The following UGT1A4 variants were observed in gnomAD, a reference collection of about 807,000 sequenced individuals.
UGT1A4 encodes the protein UDP-glucuronosyltransferase 1A4.
UGT1A4 carries 32 observed loss-of-function variants against 41.1 expected under a neutral mutation model. The observed-to-expected ratio is 0.78, with a 90% CI of 0.59 to 1.05. The LOEUF (loss-of-function observed/expected upper bound fraction) is 1.05. Ranked by LOEUF, UGT1A4 falls within the 50% of genes least tolerant of loss-of-function variation. The pLI is 0.00. For missense variants in UGT1A4, 748 were observed against 677.4 expected (o/e 1.10, Z -1.16); for synonymous variants, 283 against 265.1 (o/e 1.07, Z -0.66).
intron 1 of UGT1A4, among the ~76,000 whole-genome samples, chr2:233,724,475 T>C (rs568755731): frequency 9.3e-4 from 64 of 68,704 alleles, no homozygotes; most frequent in Middle Eastern, 7.8e-3. Flanking sequence ...GGCTCCTCAC[T>C]TCTCAGACGG....
rs561148269 is a variant in UGT1A4 at position 233,758,341 on chromosome 2, T to A, written c.868-8693T>A. The stretch of plus-strand genomic sequence containing the variant: ...GCAGCCTCAAAAAGCTTGGAAGCTC[T>A]GCATGATGCAGGAAAGTCATAAAAT... On this transcript the variant is annotated intron_variant, in intron 1 of 4. Coordinates refer to ENST00000373409, the MANE Select transcript of UGT1A4 (RefSeq NM_007120.3). Among the ~76,000 whole-genome samples the A allele has an allele frequency of 3.3e-5, 5 of 152,358 alleles. No homozygotes were observed. In the South Asian group the frequency reaches 8.3e-4, roughly 25 times the overall value.
intron 1 of UGT1A4, among the ~76,000 whole-genome samples, chr2:233,744,685 T>C (rs1692890031): frequency 6.6e-6 from 1 of 151,898 alleles, no homozygotes; most frequent in Non-Finnish European, 1.5e-5. Flanking sequence ...CCCATGTAGC[T>C]TCTGGAAAAC....
intron 1 of UGT1A4, among the ~76,000 whole-genome samples, chr2:233,721,360 G>T (rs1478965669): frequency 6.6e-6 from 1 of 152,144 alleles, no homozygotes; most frequent in Non-Finnish European, 1.5e-5. Context: ...AGACTGAACT[G>T]CACTGGCTCA....
chr2:233,732,685 AC>A (rs1163255557), intron 1 of UGT1A4, among the ~76,000 whole-genome samples: 1 of 150,632 alleles, frequency 6.6e-6, no homozygotes, highest in African/African-American at 2.4e-5. Context: ...TGGTACCAGC[AC>A]CCATGCTGTT....
intron 1 of UGT1A4, chr2:233,755,031 C>T: frequency 7.6e-7 from 1 of 1,312,808 alleles, no homozygotes; most frequent in South Asian, 1.2e-5. Context: ...GAAGGGCCTG[C>T]CGCCTGCGCA....
At chr2:233,757,911 T>G (rs1423273798) in intron 1 of UGT1A4, among the ~76,000 whole-genome samples, 6 of 152,118 alleles carry the variant, frequency 3.9e-5, no homozygotes, top group Non-Finnish European at 8.8e-5. Flanking sequence ...GACGTGTCAC[T>G]CTTTAGCAGC....
chr2:233,747,064 G>A (rs904041772), intron 1 of UGT1A4: 9 of 934,146 alleles, frequency 9.6e-6, no homozygotes, highest in African/African-American at 1.7e-5. Flanking sequence ...TTGGTTAATC[G>A]GTAATAATTA....
chr2:233,747,354 G>T (rs753872482), intron 1 of UGT1A4: 336 of 1,602,388 alleles, frequency 2.1e-4, no homozygotes, highest in Admixed American at 4.5e-4. Context: ...GCGGGAGGCC[G>T]TGCGGGAGCT....
chr2:233,744,560 T>C (rs1423343809), intron 1 of UGT1A4, among the ~76,000 whole-genome samples: 1 of 151,924 alleles, frequency 6.6e-6, no homozygotes, highest in Admixed American at 6.5e-5. Flanking sequence ...CAAAATGTAG[T>C]GAGAAGAGTG....
At chr2:233,755,255 G>A (rs1695832666) in intron 1 of UGT1A4, 14 of 819,316 alleles carry the variant, frequency 1.7e-5, no homozygotes, top group South Asian at 1.2e-4. Flanking sequence ...CCAGCACCTC[G>A]TAGTAGTCCA....
At chr2:233,734,127 G>A (rs549754021) in intron 1 of UGT1A4, among the ~76,000 whole-genome samples, 274 of 151,640 alleles carry the variant, frequency 1.8e-3, no homozygotes, top group Non-Finnish European at 3.0e-3. Context: ...ATAATAAAAA[G>A]AATTTGGCTG....
intron 1 of UGT1A4, among the ~76,000 whole-genome samples, chr2:233,723,516 C>CTT (rs1162916866): frequency 0.011 from 946 of 85,272 alleles, 28 homozygotes; most frequent in African/African-American, 0.04. Context: ...GGTCAACAAT[C>CTT]TTTTTTTTTT....
chr2:233,761,269 T>C, intron 1 of UGT1A4: 1 of 1,591,986 alleles, frequency 6.3e-7, no homozygotes, highest in Non-Finnish European at 8.6e-7. Context: ...TAAAATGCCC[T>C]CTTTTGTTAA....
intron 1 of UGT1A4, chr2:233,722,202 A>C (rs1295907588): frequency 1.9e-5 from 3 of 154,218 alleles, no homozygotes; most frequent in Admixed American, 6.5e-5. Context: ...TACTGAGTGC[A>C]TGAAAGATCA....
At chr2:233,760,823 T>G in intron 1 of UGT1A4, 1 of 1,613,528 alleles carries the variant, frequency 6.2e-7, no homozygotes, top group Non-Finnish European at 8.5e-7. Context: ...CCATGCAGCC[T>G]GGAATTTGAG....
At position 233,719,386 on chromosome 2, in the gene UGT1A4, A is replaced by G. The variant is rs141300284; in HGVS notation, c.566A>G (p.Asn189Ser). The G allele has an allele frequency of 2.9e-5, 47 of 1,613,822 alleles. No homozygotes were observed. In the African/African-American group the frequency reaches 4.3e-4, roughly 15 times the overall value. ...DLDFKGTQCP[N>S]PSSYIPKLLT... ...GACTTTAAGGGCACACAGTGTCCAA[A>G]TCCTTCCTCCTATATTCCTAAGTTA... is the stretch of plus-strand genomic sequence containing the variant. Residue 189 changes from asparagine (N) to serine (S), a missense_variant, in exon 1 of 5, where the codon AAT (asparagine) becomes AGT (serine). Asn to Ser is a conservative substitution (Grantham distance 46). Transcript: ENST00000373409.
rs138794928 is a variant in UGT1A4, at chr2:233,747,227, C to T, written c.868-19807C>T. 1.0e-2 allele frequency: 16,041 copies of T among 1,605,006 alleles called. 99 individuals are homozygous for T. The highest frequency in any genetic ancestry group is 0.012 in the Non-Finnish European group (14,233 of 1,175,294). On this transcript the variant is annotated intron_variant, in intron 1 of 4. Transcript: ENST00000373409. ...TCTTCTGCTGAGATGGCCACAGGACCCCAGGTTCCCCTGCTGTGGCTGGCC... is the reference window on the plus strand; with the variant it reads ...TCTTCTGCTGAGATGGCCACAGGACTCCAGGTTCCCCTGCTGTGGCTGGCC...
intron 3 of UGT1A4, 70 bp from the exon 4 acceptor site, chr2:233,768,150 G>A: frequency 6.2e-7 from 1 of 1,611,942 alleles, no homozygotes; most frequent in Middle Eastern, 1.7e-4. Flanking sequence ...AGTGTTTTCA[G>A]AACCTAGATG....
At chr2:233,752,004 G>A (rs558992613) in intron 1 of UGT1A4, among the ~76,000 whole-genome samples, 1 of 152,302 alleles carries the variant, frequency 6.6e-6, no homozygotes, top group Admixed American at 6.5e-5. Context: ...GAAAGTTGAT[G>A]AGAAAGTGGA....
Sources: allele counts gnomAD v4.1 joint callset (sites outside exome capture counted in the v4.1 genomes callset), GRCh38; gene constraint gnomAD v4.1.1; transcripts MANE v1.5; gene names NCBI Gene and HGNC (gene_info 2026-07-23, HGNC 2026-07-21).